Variants in IGSF1 observed in about 807,000 individuals in gnomAD.
IGSF1 encodes the protein immunoglobulin-like domain-containing protein 1.
IGSF1 carries 40 observed loss-of-function variants against 95.3 expected under a neutral mutation model. The ratio of observed to expected loss-of-function variants is 0.42; its 90% CI spans 0.33 to 0.55. IGSF1 has a LOEUF of 0.55. IGSF1 is among the 20% of genes least tolerant of loss of function. IGSF1 has a pLI of 0.10. For synonymous variants in IGSF1, 372 were observed against 382.9 expected (o/e 0.97, Z 0.33); for missense variants, 906 against 1,025.4 (o/e 0.88, Z 1.59).
At chrX:131,274,292 CCTT>C in intron 18 of IGSF1, 86 bp from the exon 19 acceptor site, 1 of 1,124,484 alleles carries the variant, frequency 8.9e-7, no homozygotes, top group Admixed American at 2.2e-5. Context: ...CACACTCTGG[CCTT>C]CTTTAGGGTT....
Position 131,281,766 on chromosome X carries a change from G to A in IGSF1, c.1425C>T (p.Asp475=), listed in dbSNP as rs143240317. 192 of 1,208,415 alleles carry A rather than the reference G, an allele frequency of 1.6e-4. 1 individual carries two copies. The African/African-American group carries it at 2.8e-3, about 17-fold the overall frequency. The change falls in exon 8 of 20, where the codon GAC becomes GAT. Residue 475 remains aspartate (D), a synonymous_variant. Coordinates refer to ENST00000361420, the MANE Select transcript of IGSF1 (RefSeq NM_001555.5). ...VNGDFIISNV[D]GKGTGTYSCS... is the part of the protein sequence containing the mutation. ...AACTGTAGGTCCCTGTGCCTTTCCC[G>A]TCAACATTACTGATGATGAAGTCTC...
chrX:131,275,721 C>T lies in IGSF1; in HGVS notation c.2941G>A (p.Val981Ile), dbSNP rs909251856. The stretch of plus-strand genomic sequence containing the variant: ...AGAGTAACATTCTGCCCCATGGGAA[C>T]CACAGAACTGGGCTCAGCAAACAAC... ...PWLFAEPSSV[V>I]PMGQNVTLWC... Residue 981 changes from valine to isoleucine, a missense_variant, in exon 16 of 20, where the codon GTT becomes ATT. By Grantham distance (29) the Val-to-Ile change is conservative (BLOSUM62 3). This residue lies in a region of IGSF1 where 411 missense variants were observed against 494.9 expected (regional missense o/e 0.83). Coordinates refer to ENST00000361420, the MANE Select transcript of IGSF1 (RefSeq NM_001555.5). 1.7e-6 allele frequency: 2 copies of T among 1,209,832 alleles called. No individual in the cohort carries two copies.
chrX:131,286,943 T>G (rs1030057548), intron 1 of IGSF1, among the ~76,000 whole-genome samples: 1 of 110,415 alleles, frequency 9.1e-6, no homozygotes, highest in Non-Finnish European at 1.9e-5. Flanking sequence ...ATCAAAGATG[T>G]CAGATTTGTT....
Position 131,275,084 on chromosome X carries a change from A to G in IGSF1, c.3387T>C (p.Ser1129=). 8.3e-7 allele frequency: 1 copy of G among 1,211,108 alleles called. No individual in the cohort carries two copies. The highest frequency in any genetic ancestry group is 1.1e-6 in the Non-Finnish European group (1 of 894,710). The change falls in exon 17 of 20, where the codon TCT becomes TCC. Residue 1129 remains serine (S), a synonymous_variant. Transcript: ENST00000361420. ...FWMPAVRGED[S]GIYSCVYYLD... ...AATAATAAACACAGCTATAGATCCC[A>G]GAGTCTTCACCTCTCACTGCTGGCA...
rs1239938493 is a variant in IGSF1 at position 131,273,704 on chromosome X, A to C, written c.*92T>G. On this transcript the variant is annotated 3_prime_UTR_variant, in exon 20 of 20. Coordinates refer to ENST00000361420, the MANE Select transcript of IGSF1 (RefSeq NM_001555.5). The stretch of plus-strand genomic sequence containing the variant: ...AGGTGATTAGAGACCAAGGAACAGC[A>C]GATGGGGCTGACTTGCAGGGTAACT... The C allele has an allele frequency of 4.5e-6, 4 of 888,335 alleles. No homozygotes were observed. Among genetic ancestry groups the C allele is most frequent in the Non-Finnish European group, 4.8e-6 (3 of 628,949 alleles). 73.2% of individuals were successfully genotyped at this position (888,335 alleles called of 1,213,427 possible).
chrX:131,277,395 T>C lies in IGSF1; in HGVS notation c.2321-169A>G, dbSNP rs1603404342. On this transcript the variant is annotated intron_variant, in intron 13 of 19. Coordinates refer to ENST00000361420, the MANE Select transcript of IGSF1 (RefSeq NM_001555.5). ...AGGTAAATCCACTTTGCAGATGGAC[T>C]TCTCACACAGGGACCCTTCAACCCC... 4 of 480,647 alleles carry C rather than the reference T, an allele frequency of 8.3e-6. No individual in the cohort carries two copies. The East Asian group carries it at 1.5e-4, about 18-fold the overall frequency. 39.6% of individuals were successfully genotyped at this position (480,647 alleles called of 1,213,427 possible). A position where few individuals can be genotyped will look rare whatever the true frequency, so the allele number is the denominator to read the frequency against.
rs2080472034 is a variant in IGSF1 at position 131,276,190 on chromosome X, C to A, written c.2667G>T (p.Lys889Asn). The A allele has an allele frequency of 8.3e-7, 1 of 1,209,106 alleles. No individual in the cohort carries two copies. The highest frequency in any genetic ancestry group is 1.1e-6 in the Non-Finnish European group (1 of 894,872). Residue 889 changes from lysine to asparagine, a missense_variant, in exon 15 of 20, where the codon AAG becomes AAT. Physicochemically the swap from Lys to Asn is moderately conservative, Grantham distance 94. Transcript: ENST00000361420. Reference sequence around the variant, plus strand: ...TCCCTTGGCAGCGCAGGATCACACTCTTCCCAGGAAACACCACAGGACCTG... The same window carrying A: ...TCCCTTGGCAGCGCAGGATCACACTATTCCCAGGAAACACCACAGGACCTG... Reference protein sequence around the residue: ...AQPGPVVFPGKSVILRCQGTF... With the variant: ...AQPGPVVFPGNSVILRCQGTF...
intron 11 of IGSF1, 58 bp from the exon 12 acceptor site, chrX:131,278,809 T>G (rs2080513397): frequency 1.8e-6 from 2 of 1,086,706 alleles, no homozygotes; most frequent in African/African-American, 1.8e-5. Flanking sequence ...TCCCTCCTCC[T>G]TGCCCTTGAA....
chrX:131,289,174 A>G (rs1260656083), intron 1 of IGSF1, 40 bp downstream of exon 1: 1 of 375,010 alleles, frequency 2.7e-6, no homozygotes, highest in Non-Finnish European at 5.2e-6. Context: ...AGTATTTAAT[A>G]TTCAGCCACT....
rs761128333 is a variant in IGSF1, at chrX:131,275,459, G to A, written c.3184+19C>T. 1.2e-5 allele frequency: 15 copies of A among 1,202,539 alleles called. No individual in the cohort carries two copies. The Admixed American group carries it at 2.8e-4, about 23-fold the overall frequency. Reference sequence around the variant, plus strand: ...CCTTTCTACACTTCCATGCCCACTCGACAGCCTCTTCCCCTTACCTGTGAC... The same window carrying A: ...CCTTTCTACACTTCCATGCCCACTCAACAGCCTCTTCCCCTTACCTGTGAC... On this transcript the variant is annotated intron_variant, in intron 16 of 19. Transcript: ENST00000361420.
intron 3 of IGSF1, 39 bp from the exon 4 acceptor site, chrX:131,286,087 A>G: frequency 9.2e-7 from 1 of 1,091,856 alleles, no homozygotes; most frequent in Non-Finnish European, 1.2e-6. Flanking sequence ...GAGCAGTCCA[A>G]CCCTCTCCCT....
chrX:131,277,244 A>G lies in IGSF1; in HGVS notation c.2321-18T>C. 1 of 1,142,685 alleles carries G rather than the reference A, an allele frequency of 8.8e-7. No individual in the cohort carries two copies. The highest frequency in any genetic ancestry group is 1.2e-6 in the Non-Finnish European group (1 of 859,350). The allele number at this position is 1,142,685 out of a possible 1,213,427, so 94.2% of individuals were successfully genotyped here. A position where few individuals can be genotyped will look rare whatever the true frequency, so the allele number is the denominator to read the frequency against. On this transcript the variant is annotated intron_variant, in intron 13 of 19. Transcript: ENST00000361420. ...GTACATTTCTAGAAGGCAAAAAACAAAAACAAAAACAAAAAACAAAATACA... is the reference window on the plus strand; with the variant it reads ...GTACATTTCTAGAAGGCAAAAAACAGAAACAAAAACAAAAAACAAAATACA...
chrX:131,286,181 C>T (rs191375554), intron 3 of IGSF1, 133 bp from the exon 4 acceptor site: 12 of 604,862 alleles, frequency 2.0e-5, no homozygotes, highest in Admixed American at 7.2e-5. Flanking sequence ...CAGGAGTGTG[C>T]TCCTGTGGGG....
chrX:131,281,974 A>C, intron 7 of IGSF1, 30 bp from the exon 8 acceptor site: 1 of 1,167,845 alleles, frequency 8.6e-7, no homozygotes, highest in Non-Finnish European at 1.2e-6. Context: ...CAGAGTGAGA[A>C]GTGACCTCAA....
intron 1 of IGSF1, among the ~76,000 whole-genome samples, chrX:131,287,089 ATATATATGTG>A (rs2080651626): frequency 9.2e-6 from 1 of 108,186 alleles, no homozygotes; most frequent in South Asian, 4.0e-4. Flanking sequence ...TTATATACGT[ATATATATGTG>A]TATATACATG....
chrX:131,276,367 A>G, intron 14 of IGSF1, 119 bp from the exon 15 acceptor site: 1 of 547,322 alleles, frequency 1.8e-6, no homozygotes, highest in Non-Finnish European at 2.8e-6. Context: ...GAAAATATAG[A>G]AAAAAAAACT....
At chrX:131,279,243 C>G (rs745667458) in intron 10 of IGSF1, 28 bp downstream of exon 10, 3 of 1,209,861 alleles carry the variant, frequency 2.5e-6, no homozygotes, top group Admixed American at 2.2e-5. Context: ...GCCTTCTGCC[C>G]GGGGCCCCTT....
intron 1 of IGSF1, among the ~76,000 whole-genome samples, chrX:131,287,145 G>GTA (rs1177589460): frequency 7.4e-5 from 7 of 95,237 alleles, no homozygotes; most frequent in Admixed American, 6.2e-4. Context: ...ATATATGTGT[G>GTA]TATATATATA....
In IGSF1 at chrX:131,278,598, C is replaced by T. The variant is rs748665765; in HGVS notation, c.1904G>A (p.Arg635His). 1.3e-5 allele frequency: 16 copies of T among 1,209,875 alleles called. No homozygotes were observed. Among genetic ancestry groups the T allele is most frequent in the East Asian group, 5.9e-5 (2 of 33,731 alleles). Residue 635 changes from arginine to histidine, a missense_variant, in exon 12 of 20, where the codon CGC becomes CAC. Physicochemically the swap from Arg to His is conservative, Grantham distance 29. This residue lies in a region of IGSF1 where 40 missense variants were observed against 33.4 expected (regional missense o/e 1.20). Transcript: ENST00000361420. ...LKDGTGWIATRPASEQVRAAF... is the reference protein window; with the variant it reads ...LKDGTGWIATHPASEQVRAAF... The stretch of plus-strand genomic sequence containing the variant: ...AGCCCGGACCTGCTCTGAGGCCGGG[C>T]GAGTGGCGATCCACCCGGTCCCATC...
Sources: allele counts gnomAD v4.1 joint callset (sites outside exome capture counted in the v4.1 genomes callset), GRCh38; gene constraint gnomAD v4.1.1; regional missense constraint gnomAD v4.1.1; transcripts MANE v1.5; gene names NCBI Gene and HGNC (gene_info 2026-07-23, HGNC 2026-07-21).